ANXA10: variants seen among roughly 807,000 people sequenced by gnomAD.
The protein encoded by ANXA10 is annexin A10, also known as annexin 14.
Under a neutral mutation model 53.5 loss-of-function variants are expected in ANXA10, and 49 were observed. The observed-to-expected ratio is 0.92, with a 90% CI of 0.73 to 1.16. The LOEUF (loss-of-function observed/expected upper bound fraction) is 1.16. Among genes scored for constraint, ANXA10 ranks in the 50% most tolerant of loss-of-function variants. The probability of loss-of-function intolerance (pLI) is 0.00; values close to 1 mark genes in which losing one functional copy is unlikely to be tolerated. For synonymous variants in ANXA10, 131 were observed against 128.9 expected, an observed-to-expected ratio of 1.02 and a Z score of -0.11; for missense variants, 393 against 394.4, an observed-to-expected ratio of 1.00 and a Z score of 0.03.
chr4:168,146,470 A>G (rs1320145883), intron 3 of ANXA10, among the ~76,000 whole-genome samples: 2 of 152,238 alleles, frequency 1.3e-5, no homozygotes, highest in African/African-American at 2.4e-5. Context: ...TTCCTTTGCC[A>G]GGAAAAACGC....
chr4:168,148,246 C>A (rs918001310), intron 3 of ANXA10, among the ~76,000 whole-genome samples: 3 of 151,546 alleles, frequency 2.0e-5, no homozygotes, highest in Non-Finnish European at 2.9e-5. Flanking sequence ...CAGCTCACTG[C>A]AACCTCTGTC....
At chr4:168,094,830 T>G (rs545818083) in intron 1 of ANXA10, among the ~76,000 whole-genome samples, 1 of 152,260 alleles carries the variant, frequency 6.6e-6, no homozygotes, top group East Asian at 1.9e-4. Context: ...AATTATTTTC[T>G]ATATTTCTGG....
chr4:168,094,880 CT>C (rs1321372881), intron 1 of ANXA10, among the ~76,000 whole-genome samples: 2 of 151,972 alleles, frequency 1.3e-5, no homozygotes, highest in Non-Finnish European at 2.9e-5. Context: ...TTTAAGTGTG[CT>C]TGTTACATTA....
rs1238330652 is a variant in ANXA10, at chr4:168,164,297, A to G, written c.400+9A>G. The G allele has an allele frequency of 3.8e-6, 6 of 1,581,216 alleles. No individual in the cohort carries two copies. The highest frequency in any genetic ancestry group is 3.5e-6 in the Non-Finnish European group (4 of 1,150,864). ...AGAAGCCTACTGCTTGCGTAAGGAAATATACATATGTGAATATATTTTACA... is the reference window on the plus strand; with the variant it reads ...AGAAGCCTACTGCTTGCGTAAGGAAGTATACATATGTGAATATATTTTACA... On this transcript the variant is annotated intron_variant, in intron 5 of 11. Transcript: ENST00000359299.
At chr4:168,175,395 A>G (rs1385309371) in intron 6 of ANXA10, among the ~76,000 whole-genome samples, 3 of 152,236 alleles carry the variant, frequency 2.0e-5, no homozygotes, top group African/African-American at 7.2e-5. Context: ...AAAGGGAGCC[A>G]GAACATATTG....
Position 168,133,018 on chromosome 4 carries a change from G to A in ANXA10, c.100+4853G>A, listed in dbSNP as rs756433542. Among the ~76,000 whole-genome samples the A allele has an allele frequency of 2.0e-5, 3 of 152,156 alleles. No homozygotes were observed. The Middle Eastern group carries it at 0.01, about 518-fold the overall frequency. ...TTTAGTCACTAGAATGCATATTGCTGGTTGAAATCAAACAAGGTGACCTCT... is the reference window on the plus strand; with the variant it reads ...TTTAGTCACTAGAATGCATATTGCTAGTTGAAATCAAACAAGGTGACCTCT... On this transcript the variant is annotated intron_variant, in intron 2 of 11. Coordinates refer to ENST00000359299, the MANE Select transcript of ANXA10 (RefSeq NM_007193.5).
At chr4:168,114,688 T>C (rs573986570) in intron 1 of ANXA10, among the ~76,000 whole-genome samples, 3 of 152,170 alleles carry the variant, frequency 2.0e-5, no homozygotes, top group South Asian at 2.1e-4. Context: ...TCTCCCTCTA[T>C]GTGTCCATGT....
intron 6 of ANXA10, among the ~76,000 whole-genome samples, chr4:168,176,753 C>T (rs1732136369): frequency 6.6e-6 from 1 of 152,040 alleles, no homozygotes; most frequent in Non-Finnish European, 1.5e-5. Context: ...GTAACCCCAA[C>T]ATTTTGAGAG....
At chr4:168,117,342 T>G (rs914854765) in intron 1 of ANXA10, among the ~76,000 whole-genome samples, 6 of 152,196 alleles carry the variant, frequency 3.9e-5, no homozygotes, top group Non-Finnish European at 7.3e-5. Context: ...AAAGTGTGTG[T>G]TCTCCAAAAT....
chr4:168,156,283 ATATAT>A (rs368190065), intron 3 of ANXA10, among the ~76,000 whole-genome samples: 24,982 of 59,492 alleles, frequency 0.42, 5,776 homozygotes, highest in South Asian at 0.47. Context: ...ATATAATAGT[ATATAT>A]TATATTATAT....
intron 11 of ANXA10, among the ~76,000 whole-genome samples, chr4:168,185,975 TG>T (rs952613385): frequency 1.3e-5 from 2 of 152,196 alleles, no homozygotes; most frequent in African/African-American, 4.8e-5. Context: ...CCTTCATCTT[TG>T]ATAAAACTCT....
At chr4:168,096,757 C>T (rs977763672) in intron 1 of ANXA10, among the ~76,000 whole-genome samples, 7 of 151,596 alleles carry the variant, frequency 4.6e-5, no homozygotes, top group African/African-American at 7.3e-5. Context: ...GTATCTGGAG[C>T]ATAGAAGCAT....
At chr4:168,141,901 C>T (rs116638919) in intron 3 of ANXA10, among the ~76,000 whole-genome samples, 1,849 of 152,194 alleles carry the variant, frequency 0.012, 33 homozygotes, top group African/African-American at 0.042. Context: ...GTTTGTGGGG[C>T]CCTCCCTTAC....
At chr4:168,106,094 C>T (rs1046400283) in intron 1 of ANXA10, among the ~76,000 whole-genome samples, 1 of 151,862 alleles carries the variant, frequency 6.6e-6, no homozygotes, top group Non-Finnish European at 1.5e-5. Context: ...AGGTTGTTTA[C>T]TATGTTGACA....
chr4:168,124,189 G>A (rs1038986745), intron 1 of ANXA10, among the ~76,000 whole-genome samples: 2 of 152,174 alleles, frequency 1.3e-5, no homozygotes, highest in Non-Finnish European at 2.9e-5. Flanking sequence ...TCCTACTAAA[G>A]GCATCATGAA....
chr4:168,147,351 C>G (rs1041155463), intron 3 of ANXA10, among the ~76,000 whole-genome samples: 2 of 152,100 alleles, frequency 1.3e-5, no homozygotes, highest in Non-Finnish European at 2.9e-5. Context: ...GGGGATATAC[C>G]TGGAATTGTA....
rs565386893 is a variant in ANXA10, at chr4:168,160,147, T to A, written c.196-2381T>A. On this transcript the variant is annotated intron_variant, in intron 3 of 11. Transcript: ENST00000359299. ...GTGCCATGGTGGTTTGTTGCACCTA[T>A]CAACCTATAACCTAGATATTAAGCC... Among the ~76,000 whole-genome samples the A allele has an allele frequency of 1.6e-4, 25 of 152,276 alleles. No individual in the cohort carries two copies. The South Asian group carries it at 5.2e-3, about 32-fold the overall frequency.
chr4:168,184,423 T>A, intron 10 of ANXA10, 136 bp from the exon 11 acceptor site: 1 of 968,020 alleles, frequency 1.0e-6, no homozygotes, highest in South Asian at 1.6e-5. Context: ...CCACAGCCTG[T>A]GTGGCCAGTG....
At chr4:168,102,971 A>G (rs984874182) in intron 1 of ANXA10, among the ~76,000 whole-genome samples, 4 of 152,058 alleles carry the variant, frequency 2.6e-5, no homozygotes, top group Non-Finnish European at 5.9e-5. Flanking sequence ...GTGCTCATTT[A>G]CTATACCGTC....
Sources: allele counts gnomAD v4.1 joint callset (sites outside exome capture counted in the v4.1 genomes callset), GRCh38; gene constraint gnomAD v4.1.1; transcripts MANE v1.5; gene names NCBI Gene and HGNC (gene_info 2026-07-23, HGNC 2026-07-21).